TTYH2: variants seen among roughly 807,000 people sequenced by gnomAD.
TTYH2 encodes protein tweety homolog 2.
TTYH2 carries 49 observed loss-of-function variants against 68.3 expected under a neutral mutation model. The ratio of observed to expected loss-of-function variants is 0.72; its 90% CI spans 0.57 to 0.91. The LOEUF is 0.91. TTYH2 is among the 40% of genes least tolerant of loss of function. The probability of loss-of-function intolerance (pLI) is 0.00; values close to 1 mark genes in which losing one functional copy is unlikely to be tolerated. For missense variants in TTYH2, 631 were observed against 700.4 expected (o/e 0.90, Z 1.12); for synonymous variants, 272 against 300.8 (o/e 0.90, Z 0.99).
At chr17:74,225,764 C>G (rs2143726991) in intron 2 of TTYH2, among the ~76,000 whole-genome samples, 1 of 152,320 alleles carries the variant, frequency 6.6e-6, no homozygotes, top group Middle Eastern at 3.4e-3. Context: ...ACCAGCACCT[C>G]CATCGGCAGA....
At position 74,217,936 on chromosome 17, in the gene TTYH2, G is replaced by A. The variant is rs546796555; in HGVS notation, c.129+4220G>A. ...GAGCTGGGGGCCTGGTGTTGCTGTG[G>A]GACAAGGAGGTGGCTGCAGGGCACA... On this transcript the variant is annotated intron_variant, in intron 1 of 13. Coordinates refer to ENST00000269346, the MANE Select transcript of TTYH2 (RefSeq NM_032646.6). This position sits in a 1 kb window ranked among gnomAD's most constrained non-coding sequence, Gnocchi z 4.0. Among the ~76,000 whole-genome samples the A allele has an allele frequency of 2.0e-5, 3 of 152,194 alleles. No individual in the cohort carries two copies. The highest frequency in any genetic ancestry group is 1.3e-4 in the Admixed American group (2 of 15,296).
At chr17:74,234,032 C>A (rs1290254816) in intron 3 of TTYH2, among the ~76,000 whole-genome samples, 1 of 152,180 alleles carries the variant, frequency 6.6e-6, no homozygotes, top group Non-Finnish European at 1.5e-5. Flanking sequence ...TCCACACTTC[C>A]AGATAAGCTC....
chr17:74,236,705 C>G (rs2050445985), intron 3 of TTYH2, among the ~76,000 whole-genome samples: 1 of 152,170 alleles, frequency 6.6e-6, no homozygotes, highest in African/African-American at 2.4e-5. Flanking sequence ...TTGGCGCCAG[C>G]ATTCTCTCTC....
At chr17:74,237,983 C>T (rs932600811) in intron 4 of TTYH2, among the ~76,000 whole-genome samples, 2 of 152,054 alleles carry the variant, frequency 1.3e-5, no homozygotes, top group Non-Finnish European at 2.9e-5. Flanking sequence ...AACATGGGGG[C>T]TTACAGGGGC....
Position 74,253,143 on chromosome 17 carries a change from C to A in TTYH2, c.1322C>A (p.Ala441Glu), listed in dbSNP as rs771374086. Residue 441 changes from alanine (A) to glutamate (E), a missense_variant, in exon 12 of 14, where the codon GCG becomes GAG. Ala to Glu is a moderately radical substitution (Grantham distance 107, BLOSUM62 -1). Transcript: ENST00000269346. The stretch of plus-strand genomic sequence containing the variant: ...TTTAACCCCCAAGCCTGGCGCATGG[C>A]GGCTCACAGTCCCCCGAGGGGACAG... ...DPFNPQAWRM[A>E]AHSPPRGQLH... The A allele has an allele frequency of 6.2e-7, 1 of 1,613,776 alleles. No individual in the cohort carries two copies. Among genetic ancestry groups the A allele is most frequent in the Non-Finnish European group, 8.5e-7 (1 of 1,179,946 alleles).
At position 74,222,512 on chromosome 17, in the gene TTYH2, G is replaced by T; in HGVS notation, c.157G>T (p.Ala53Ser). 6.2e-7 allele frequency: 1 copy of T among 1,610,796 alleles called. No individual in the cohort carries two copies. The highest frequency in any genetic ancestry group is 2.2e-5 in the East Asian group (1 of 44,866). ...ESLLFLGLVA[A>S]VCLGLNLIFL... is the part of the protein sequence containing the mutation. The stretch of plus-strand genomic sequence containing the variant: ...GCTGCTGTTCCTGGGGCTGGTGGCC[G>T]CCGTCTGCCTGGGCCTGAACCTCAT... Residue 53 changes from alanine (A) to serine (S), a missense_variant, in exon 2 of 14, where the codon GCC becomes TCC. Coordinates refer to ENST00000269346, the MANE Select transcript of TTYH2 (RefSeq NM_032646.6). The surrounding 1 kb of genome is among the most constrained non-coding windows in gnomAD (Gnocchi z 5.2).
At chr17:74,245,775 G>A (rs781179355) in intron 6 of TTYH2, among the ~76,000 whole-genome samples, 1 of 152,204 alleles carries the variant, frequency 6.6e-6, no homozygotes, top group African/African-American at 2.4e-5. Context: ...GAGGGCGGCC[G>A]GCTGTCCCGG....
intron 6 of TTYH2, among the ~76,000 whole-genome samples, chr17:74,245,390 A>G (rs2050546854): frequency 6.6e-6 from 1 of 152,262 alleles, no homozygotes; most frequent in South Asian, 2.1e-4. Flanking sequence ...GGCCACGCAC[A>G]GGGAAGCTGC....
At chr17:74,245,888 C>T (rs538457236) in intron 6 of TTYH2, among the ~76,000 whole-genome samples, 1 of 152,216 alleles carries the variant, frequency 6.6e-6, no homozygotes, top group East Asian at 1.9e-4. Context: ...CCTCCCTTCC[C>T]CACCCCCGAC....
intron 1 of TTYH2, among the ~76,000 whole-genome samples, chr17:74,220,997 T>G (rs1222836825): frequency 6.6e-6 from 1 of 152,182 alleles, no homozygotes; most frequent in Non-Finnish European, 1.5e-5. Flanking sequence ...TCTCCCTGTA[T>G]TGCCCAGACT....
chr17:74,249,281 A>C, intron 7 of TTYH2, 63 bp from the exon 8 acceptor site: 1 of 1,605,742 alleles, frequency 6.2e-7, no homozygotes, highest in South Asian at 1.1e-5. Context: ...TTGGCCACCA[A>C]GGATGATAGA....
chr17:74,248,854 A>T, intron 6 of TTYH2, 157 bp from the exon 7 acceptor site: 1 of 1,467,492 alleles, frequency 6.8e-7, no homozygotes, highest in Admixed American at 2.5e-5. Context: ...AGGAAGGGGC[A>T]GAGCCAGGTT....
chr17:74,250,313 C>T lies in TTYH2; in HGVS notation c.1072C>T (p.Leu358Phe), dbSNP rs146342198. The change falls in exon 10 of 14, where the codon CTT (leucine) becomes TTT (phenylalanine). Residue 358 changes from leucine (L) to phenylalanine (F), a missense_variant. Physicochemically the swap from Leu to Phe is conservative, Grantham distance 22. Transcript: ENST00000269346. Reference sequence around the variant, plus strand: ...CCTGCTGAACTCCTCAGAGTCCAGCCTTCACCAGCTGACCGCCATGGTGGA... The same window carrying T: ...CCTGCTGAACTCCTCAGAGTCCAGCTTTCACCAGCTGACCGCCATGGTGGA... ...QLLLNSSESS[L>F]HQLTAMVDCR... 6.2e-7 allele frequency: 1 copy of T among 1,613,696 alleles called. No homozygotes were observed. The highest frequency in any genetic ancestry group is 8.5e-7 in the Non-Finnish European group (1 of 1,179,884).
At position 74,239,233 on chromosome 17, in the gene TTYH2, G is replaced by A. The variant is rs890013090; in HGVS notation, c.635+1719G>A. 2.0e-5 allele frequency among the ~76,000 whole-genome samples: 3 copies of A among 152,218 alleles called. No individual in the cohort carries two copies. The highest frequency in any genetic ancestry group is 4.4e-5 in the Non-Finnish European group (3 of 68,048). On this transcript the variant is annotated intron_variant, in intron 4 of 13. Transcript: ENST00000269346. The surrounding 1 kb of genome is among the most constrained non-coding windows in gnomAD (Gnocchi z 5.3). ...TGCAGGGTCCAGCGAAGTTTGCTCC[G>A]TGGAAAGCACAGGAAGGAGGCAGCA...
In TTYH2 at chr17:74,244,039, C is replaced by T; in HGVS notation, c.794C>T (p.Ser265Phe). Residue 265 changes from serine (S) to phenylalanine (F), a missense_variant, in exon 6 of 14, where the codon TCT (serine) becomes TTT (phenylalanine). Physicochemically the swap from Ser to Phe is radical, Grantham distance 155 (BLOSUM62 -2). Coordinates refer to ENST00000269346, the MANE Select transcript of TTYH2 (RefSeq NM_032646.6). ...LSWASLAADG[S>F]AAVATSDFCV... is the part of the protein sequence containing the mutation. ...TGGGCATCCCTGGCCGCTGATGGCT[C>T]TGCGGCAGTGGTGAGTTGGGGGAGG... 5 of 1,611,518 alleles carry T rather than the reference C, an allele frequency of 3.1e-6. No individual in the cohort carries two copies. Among genetic ancestry groups the T allele is most frequent in the Non-Finnish European group, 4.2e-6 (5 of 1,179,846 alleles).
intron 3 of TTYH2, among the ~76,000 whole-genome samples, chr17:74,235,810 C>T (rs1031778623): frequency 1.3e-5 from 2 of 151,356 alleles, no homozygotes; most frequent in African/African-American, 4.8e-5. Flanking sequence ...AGGAGAATCA[C>T]TTGAACCCGG....
At position 74,232,875 on chromosome 17, in the gene TTYH2, GC is replaced by G. The variant is rs1020277574; in HGVS notation, c.414+1881del. On this transcript the variant is annotated intron_variant, in intron 3 of 13. Coordinates refer to ENST00000269346, the MANE Select transcript of TTYH2 (RefSeq NM_032646.6). This position sits in a 1 kb window ranked among gnomAD's most constrained non-coding sequence, Gnocchi z 5.1. ...CTGCCAGGGAGGGGAGCTGGAACGGGCCCCCAGGCTGGGGCCTCCCACCCCA... is the reference window on the plus strand; with the variant it reads ...CTGCCAGGGAGGGGAGCTGGAACGGGCCCCAGGCTGGGGCCTCCCACCCCA... Among the ~76,000 whole-genome samples the G allele has an allele frequency of 2.6e-5, 4 of 152,310 alleles. No homozygotes were observed. Among genetic ancestry groups the G allele is most frequent in the East Asian group, 3.9e-4 (2 of 5,178 alleles).
intron 2 of TTYH2, among the ~76,000 whole-genome samples, chr17:74,225,624 C>A (rs973699503): frequency 6.6e-6 from 1 of 152,156 alleles, no homozygotes; most frequent in Non-Finnish European, 1.5e-5. Flanking sequence ...GCCACCACCA[C>A]CTGCAGGCCA....
At position 74,213,802 on chromosome 17, in the gene TTYH2, C is replaced by T; in HGVS notation, c.129+86C>T. 2 of 1,505,648 alleles carry T rather than the reference C, an allele frequency of 1.3e-6. No individual in the cohort carries two copies. Among genetic ancestry groups the T allele is most frequent in the Non-Finnish European group, 1.8e-6 (2 of 1,107,340 alleles). 93.3% of individuals were successfully genotyped at this position (1,505,648 alleles called of 1,614,324 possible). On this transcript the variant is annotated intron_variant, in intron 1 of 13. Coordinates refer to ENST00000269346, the MANE Select transcript of TTYH2 (RefSeq NM_032646.6). The surrounding 1 kb of genome is among the most constrained non-coding windows in gnomAD (Gnocchi z 6.1). ...CTCCCCTCGAGAGCCTGCACTTTCCCACGTGCCTCTCAGACCCCTTCTCTC... is the reference window on the plus strand; with the variant it reads ...CTCCCCTCGAGAGCCTGCACTTTCCTACGTGCCTCTCAGACCCCTTCTCTC...
Sources: gnomAD v4.1 joint callset for allele counts (sites outside exome capture counted in the v4.1 genomes callset) on GRCh38, gnomAD v4.1.1 for gene constraint, Gnocchi (gnomAD v3.1) non-coding constraint, MANE v1.5 for transcripts, NCBI Gene and HGNC (gene_info 2026-07-23, HGNC 2026-07-21) for gene names.